KIAA0825: variants seen among roughly 807,000 people sequenced by gnomAD.
KIAA0825 encodes the protein KIAA0825.
A neutral mutation model predicts 147.6 loss-of-function variants in KIAA0825; 119 were observed. The ratio of observed to expected loss-of-function variants is 0.81; its 90% CI spans 0.69 to 0.94. The LOEUF (loss-of-function observed/expected upper bound fraction) is 0.94, where lower values mean the gene tolerates loss of function less well. KIAA0825 is among the 40% of genes least tolerant of loss of function. The pLI, the probability that KIAA0825 is intolerant of heterozygous loss-of-function variation, is 0.00. For missense variants in KIAA0825, 1,381 were observed against 1,472.7 expected, an observed-to-expected ratio of 0.94 and a Z score of 1.02; for synonymous variants, 470 against 518.1, an observed-to-expected ratio of 0.91 and a Z score of 1.26.
intron 20 of KIAA0825, among the ~76,000 whole-genome samples, chr5:94,260,375 G>A (rs1447790873): frequency 6.6e-6 from 1 of 152,040 alleles, no homozygotes; most frequent in Non-Finnish European, 1.5e-5. Context: ...GGATTGCAGT[G>A]CAAAAAGGAG....
At chr5:94,244,736 CAT>C in intron 20 of KIAA0825, among the ~76,000 whole-genome samples, 1 of 152,254 alleles carries the variant, frequency 6.6e-6, no homozygotes, top group South Asian at 2.1e-4. Flanking sequence ...AGATAAATAA[CAT>C]AAAGTACTTG....
At chr5:94,593,454 C>G in intron 1 of KIAA0825, 1 of 705,512 alleles carries the variant, frequency 1.4e-6, no homozygotes, top group African/African-American at 1.8e-5. Flanking sequence ...CTGAGGTCAA[C>G]GTTGCAAAAA....
intron 3 of KIAA0825, among the ~76,000 whole-genome samples, chr5:94,536,399 G>A (rs1033727255): frequency 6.6e-6 from 1 of 152,184 alleles, no homozygotes; most frequent in Non-Finnish European, 1.5e-5. Flanking sequence ...TCAAAAGGAT[G>A]CAAATAAGTA....
chr5:94,585,694 T>C (rs1239368945), intron 1 of KIAA0825, among the ~76,000 whole-genome samples: 1 of 152,144 alleles, frequency 6.6e-6, no homozygotes, highest in African/African-American at 2.4e-5. Context: ...CCGGGCTTAA[T>C]AGATATCTAC....
chr5:94,443,120 T>C (rs970029143), intron 13 of KIAA0825, among the ~76,000 whole-genome samples: 24 of 152,152 alleles, frequency 1.6e-4, no homozygotes, highest in African/African-American at 5.3e-4. Context: ...TCTTGGATCT[T>C]TCAACTTATC....
intron 20 of KIAA0825, among the ~76,000 whole-genome samples, chr5:94,245,948 T>C (rs768204069): frequency 3.9e-5 from 6 of 152,244 alleles, no homozygotes; most frequent in Non-Finnish European, 5.9e-5. Flanking sequence ...CTCAGTTCTT[T>C]AAAAAGTTTA....
At chr5:94,475,989 A>G (rs1761852105) in intron 7 of KIAA0825, among the ~76,000 whole-genome samples, 1 of 152,250 alleles carries the variant, frequency 6.6e-6, no homozygotes, top group African/African-American at 2.4e-5. Flanking sequence ...AAGAAAAAAC[A>G]GAATCACATG....
chr5:94,445,671 T>TTTCTATATTCTATATTCTATA (rs1757638172), intron 13 of KIAA0825, among the ~76,000 whole-genome samples: 1 of 152,206 alleles, frequency 6.6e-6, no homozygotes, highest in African/African-American at 2.4e-5. Flanking sequence ...GCTGGCTTCA[T>TTTCTATATTCTATATTCTATA]TTCTATATTC....
intron 5 of KIAA0825, among the ~76,000 whole-genome samples, chr5:94,495,213 A>G (rs889641993): frequency 1.3e-5 from 2 of 152,178 alleles, no homozygotes; most frequent in African/African-American, 2.4e-5. Flanking sequence ...TTATTATTCT[A>G]AAAGAGTAGG....
At chr5:94,257,962 G>A (rs929217577) in intron 20 of KIAA0825, among the ~76,000 whole-genome samples, 1 of 151,884 alleles carries the variant, frequency 6.6e-6, no homozygotes, top group Non-Finnish European at 1.5e-5. Flanking sequence ...AGAAATTTAA[G>A]GAATCTAAAT....
chr5:94,352,784 A>G (rs1180589443), intron 20 of KIAA0825, among the ~76,000 whole-genome samples: 1 of 152,236 alleles, frequency 6.6e-6, no homozygotes, highest in Non-Finnish European at 1.5e-5. Context: ...AGTGACCTGG[A>G]TGAGATTGGA....
At chr5:94,238,517 G>A (rs1775181157) in intron 20 of KIAA0825, among the ~76,000 whole-genome samples, 1 of 152,146 alleles carries the variant, frequency 6.6e-6, no homozygotes, top group Admixed American at 6.5e-5. Flanking sequence ...TAAGTTAAGA[G>A]TTTTGGTTAT....
intron 20 of KIAA0825, among the ~76,000 whole-genome samples, chr5:94,211,333 T>C (rs1772687937): frequency 1.3e-5 from 2 of 152,326 alleles, no homozygotes; most frequent in South Asian, 4.1e-4. Context: ...CCACATGTTA[T>C]AGACATTTTG....
At chr5:94,601,077 C>T (rs1585011722) in intron 1 of KIAA0825, among the ~76,000 whole-genome samples, 1 of 152,200 alleles carries the variant, frequency 6.6e-6, no homozygotes, top group South Asian at 2.1e-4. Flanking sequence ...AGCATGGCTG[C>T]TCTACTAAAG....
At chr5:94,299,347 G>C (rs1405071924) in intron 20 of KIAA0825, among the ~76,000 whole-genome samples, 1 of 151,452 alleles carries the variant, frequency 6.6e-6, no homozygotes, top group Non-Finnish European at 1.5e-5. Flanking sequence ...CTCCTGAGTA[G>C]CTGGGAATAC....
chr5:94,216,953 C>T (rs550358078), intron 20 of KIAA0825, among the ~76,000 whole-genome samples: 110 of 152,216 alleles, frequency 7.2e-4, no homozygotes, highest in Admixed American at 4.7e-3. Context: ...ACATTTACTC[C>T]TTAATTATTG....
rs143872113 is a variant in KIAA0825 at position 94,368,327 on chromosome 5, G to A, written c.3710+16041C>T. 2.3e-3 allele frequency among the ~76,000 whole-genome samples: 346 copies of A among 152,160 alleles called. 5 individuals are homozygous for A. In the East Asian group the frequency reaches 0.023, roughly 10 times the overall value. ...AGCTGGAACCACAGGTGTGCACCACGACACCCAATTAATTTTTGTATTTTT... is the reference window on the plus strand; with the variant it reads ...AGCTGGAACCACAGGTGTGCACCACAACACCCAATTAATTTTTGTATTTTT... On this transcript the variant is annotated intron_variant, in intron 20 of 20. Coordinates refer to ENST00000682413, the MANE Select transcript of KIAA0825 (RefSeq NM_001145678.3).
At chr5:94,246,399 C>A (rs1775613806) in intron 20 of KIAA0825, among the ~76,000 whole-genome samples, 1 of 152,084 alleles carries the variant, frequency 6.6e-6, no homozygotes, top group African/African-American at 2.4e-5. Context: ...GGAACCAGGT[C>A]TCCTCCACTC....
At position 94,419,170 on chromosome 5, in the gene KIAA0825, C is replaced by G. The variant is rs181001891; in HGVS notation, c.2498-1805G>C. Among the ~76,000 whole-genome samples the G allele has an allele frequency of 3.3e-5, 5 of 152,290 alleles. No individual in the cohort carries two copies. In the East Asian group the frequency reaches 7.7e-4, roughly 23 times the overall value. On this transcript the variant is annotated intron_variant, in intron 14 of 20. Transcript: ENST00000682413. ...AATTACAGGCCTGAGTTGTTACACCCAACCAATTTTCCCTCTTTGATTAAA... is the reference window on the plus strand; with the variant it reads ...AATTACAGGCCTGAGTTGTTACACCGAACCAATTTTCCCTCTTTGATTAAA...
Sources: allele counts gnomAD v4.1 joint callset (sites outside exome capture counted in the v4.1 genomes callset), GRCh38; gene constraint gnomAD v4.1.1; transcripts MANE v1.5; gene names NCBI Gene and HGNC (gene_info 2026-07-23, HGNC 2026-07-21).